Variants in ADGRV1 observed in about 807,000 individuals in gnomAD.
ADGRV1 encodes G-protein coupled receptor 98.
ADGRV1 carries 359 observed loss-of-function variants against 596.2 expected under a neutral mutation model. That is an observed-to-expected ratio of 0.60 (90% CI 0.55 to 0.66). The LOEUF is 0.66. Among genes scored for constraint, ADGRV1 ranks in the 30% least tolerant of loss-of-function variants. ADGRV1 has a pLI of 0.00. For missense variants in ADGRV1, 7,274 were observed against 7,575.6 expected, an observed-to-expected ratio of 0.96 and a Z score of 1.48; for synonymous variants, 2,681 against 2,679.2, an observed-to-expected ratio of 1.00 and a Z score of -0.02.
chr5:91,022,847 C>G (rs1783752755), intron 85 of ADGRV1, among the ~76,000 whole-genome samples: 1 of 151,996 alleles, frequency 6.6e-6, no homozygotes, highest in African/African-American at 2.4e-5. Flanking sequence ...GAATTTGTTC[C>G]AACAGGTTTA....
intron 52 of ADGRV1, 126 bp downstream of exon 52, chr5:90,745,921 CCCCTGCCTCCCTTTT>C (rs1264660587): frequency 1.6e-6 from 1 of 609,034 alleles, no homozygotes; most frequent in African/African-American, 1.8e-5. Flanking sequence ...CCTTCCCTTT[CCCCTGCCTCCCTTTT>C]ATGTGCATTC....
rs575109890 is a variant in ADGRV1 at position 90,709,210 on chromosome 5, T to C, written c.8824+301T>C. ...TTTTCCTTTCATTTTCTTTTAAAAT[T>C]AGCTGTTTTCAGTAGATCTCCAAAC... is the stretch of plus-strand genomic sequence containing the variant. On this transcript the variant is annotated intron_variant, in intron 39 of 89. Coordinates refer to ENST00000405460, the MANE Select transcript of ADGRV1 (RefSeq NM_032119.4). 4.6e-5 allele frequency among the ~76,000 whole-genome samples: 7 copies of C among 152,304 alleles called. No individual in the cohort carries two copies. In the East Asian group the frequency reaches 1.3e-3, roughly 29 times the overall value.
In ADGRV1 at chr5:90,946,928, C is replaced by G. The variant is rs143001424; in HGVS notation, c.17857-18487C>G. Among the ~76,000 whole-genome samples, 788 of 152,158 alleles carry G rather than the reference C, an allele frequency of 5.2e-3. 4 individuals carry two copies. Among genetic ancestry groups the G allele is most frequent in the African/African-American group, 0.018 (745 of 41,480 alleles). On this transcript the variant is annotated intron_variant, in intron 83 of 89. Transcript: ENST00000405460. ...TGAATAGTGCTGCAGTGAACATATG[C>G]GTGCATGTATCTTTATAATAGAATG... is the stretch of plus-strand genomic sequence containing the variant.
chr5:91,002,563 G>C (rs551191351), intron 85 of ADGRV1, among the ~76,000 whole-genome samples: 1 of 151,976 alleles, frequency 6.6e-6, no homozygotes, highest in East Asian at 1.9e-4. Flanking sequence ...TGTCTTCTTG[G>C]ATCCTATTTA....
Position 90,690,044 on chromosome 5 carries a change from T to C in ADGRV1, c.6674T>C (p.Ile2225Thr). 2 of 1,584,314 alleles carry C rather than the reference T, an allele frequency of 1.3e-6. No homozygotes were observed. The highest frequency in any genetic ancestry group is 1.3e-5 in the African/African-American group (1 of 74,638). Residue 2225 changes from isoleucine (I) to threonine (T), a missense_variant, in exon 30 of 90, where the codon ATT (isoleucine) becomes ACT (threonine). Ile to Thr is a moderately conservative substitution (Grantham distance 89). Around this residue, in one of 5 missense-constraint regions of ADGRV1, gnomAD observed 3,643 missense variants for 3,809.2 expected, o/e 0.96. Coordinates refer to ENST00000405460, the MANE Select transcript of ADGRV1 (RefSeq NM_032119.4). ...LGALTEAVII[I>T]EASDDPYGLF... ...GCTTTAACAGAGGCAGTCATTATTA[T>C]TGAGGCCTCTGATGACCCCTATGGA...
chr5:90,757,476 A>G (rs1755960235), intron 57 of ADGRV1, among the ~76,000 whole-genome samples: 1 of 151,888 alleles, frequency 6.6e-6, no homozygotes, highest in African/African-American at 2.4e-5. Context: ...GATGAACTAG[A>G]CTCTTCCTGT....
At chr5:91,118,683 A>G (rs1009558235) in intron 87 of ADGRV1, among the ~76,000 whole-genome samples, 1 of 152,060 alleles carries the variant, frequency 6.6e-6, no homozygotes, top group Non-Finnish European at 1.5e-5. Context: ...AAAATCTCCC[A>G]TGCCTCTCAT....
chr5:90,602,666 A>G (rs1439099476), intron 1 of ADGRV1, among the ~76,000 whole-genome samples: 4 of 152,244 alleles, frequency 2.6e-5, no homozygotes, highest in African/African-American at 9.6e-5. Context: ...CCAAGGAAAC[A>G]TGACAACCCA....
chr5:91,084,005 C>G (rs1419219497), intron 86 of ADGRV1, among the ~76,000 whole-genome samples: 1 of 152,134 alleles, frequency 6.6e-6, no homozygotes, highest in Non-Finnish European at 1.5e-5. Flanking sequence ...CATCATTTTC[C>G]TATTCATGTT....
intron 83 of ADGRV1, among the ~76,000 whole-genome samples, chr5:90,942,370 G>A (rs1776232897): frequency 6.6e-6 from 1 of 152,216 alleles, no homozygotes; most frequent in African/African-American, 2.4e-5. Flanking sequence ...TATAACTTGA[G>A]TTATTCCCTG....
At chr5:90,736,722 T>C (rs1052943342) in intron 50 of ADGRV1, among the ~76,000 whole-genome samples, 19 of 151,992 alleles carry the variant, frequency 1.3e-4, no homozygotes, top group African/African-American at 4.6e-4. Context: ...AGACGTTTAT[T>C]CATTTTTTCA....
rs1554210690 is a variant in ADGRV1, at chr5:91,060,398, ATT to A, written c.18153-12039_18153-12038del. On this transcript the variant is annotated intron_variant, in intron 85 of 89. Transcript: ENST00000405460. ...TGTGTGTATATATATATATATATAT[ATT>A]TTTTTTTTTAATAGAGACGAGGTTT... 2.1e-4 allele frequency among the ~76,000 whole-genome samples: 13 copies of A among 60,530 alleles called. No individual in the cohort carries two copies. The East Asian group carries it at 3.6e-3, about 17-fold the overall frequency. 39.7% of individuals were successfully genotyped at this position (60,530 alleles called of 152,430 possible). A position where few individuals can be genotyped will look rare whatever the true frequency, so the allele number is the denominator to read the frequency against.
At chr5:91,053,107 C>T (rs1444719352) in intron 85 of ADGRV1, among the ~76,000 whole-genome samples, 1 of 152,134 alleles carries the variant, frequency 6.6e-6, no homozygotes, top group African/African-American at 2.4e-5. Context: ...AAGGGACCTC[C>T]AAAGGGAACA....
At chr5:90,744,513 A>C (rs1754383104) in intron 50 of ADGRV1, among the ~76,000 whole-genome samples, 1 of 152,182 alleles carries the variant, frequency 6.6e-6, no homozygotes, top group African/African-American at 2.4e-5. Context: ...TATTTTGATC[A>C]ACCATATATA....
At position 91,153,383 on chromosome 5, in the gene ADGRV1, T is replaced by C; in HGVS notation, c.18787T>C (p.Phe6263Leu). 1 of 1,603,844 alleles carries C rather than the reference T, an allele frequency of 6.2e-7. No homozygotes were observed. The highest frequency in any genetic ancestry group is 8.5e-7 in the Non-Finnish European group (1 of 1,174,638). ...GTCCCAGGAGTTTGATGATTTAATATTTGCATTAAAAACTGGTATGTATGA... is the reference window on the plus strand; with the variant it reads ...GTCCCAGGAGTTTGATGATTTAATACTTGCATTAAAAACTGGTATGTATGA... Reference protein sequence around the residue: ...EESQEFDDLIFALKTGAGLSV... With the variant: ...EESQEFDDLILALKTGAGLSV... Residue 6263 changes from phenylalanine (F) to leucine (L), a missense_variant, in exon 89 of 90, where the codon TTT becomes CTT. Phe to Leu is a conservative substitution (Grantham distance 22). This residue lies in a region of ADGRV1 where 1,874 missense variants were observed against 1,970.2 expected (regional missense o/e 0.95). Coordinates refer to ENST00000405460, the MANE Select transcript of ADGRV1 (RefSeq NM_032119.4).
intron 29 of ADGRV1, among the ~76,000 whole-genome samples, chr5:90,686,959 C>G (rs371813770): frequency 6.6e-6 from 1 of 151,938 alleles, no homozygotes; most frequent in Non-Finnish European, 1.5e-5. Context: ...ATTTCTCTGA[C>G]GGCCAGTGAT....
chr5:90,657,981 C>T lies in ADGRV1; in HGVS notation c.4455C>T (p.Ser1485=). 2.5e-6 allele frequency: 4 copies of T among 1,613,916 alleles called. No individual in the cohort carries two copies. Among genetic ancestry groups the T allele is most frequent in the Non-Finnish European group, 3.4e-6 (4 of 1,179,858 alleles). The change falls in exon 21 of 90, where the codon TCC becomes TCT. Residue 1485 remains serine, a synonymous_variant. Transcript: ENST00000405460. ...CAGGTCTGATGCAGGATGTGAGGTC[C>T]TATGAGCGGAAACTGACGCTTGAAG... The part of the protein sequence containing the change: ...RFTGLMQDVR[S]YERKLTLEEI...
At chr5:90,615,792 A>T (rs751470724) in intron 2 of ADGRV1, among the ~76,000 whole-genome samples, 3 of 151,948 alleles carry the variant, frequency 2.0e-5, no homozygotes, top group Admixed American at 6.5e-5. Context: ...AGTACACATT[A>T]TATGAGATAA....
At chr5:90,756,371 C>T in intron 55 of ADGRV1, 83 bp from the exon 56 acceptor site, 4 of 883,512 alleles carry the variant, frequency 4.5e-6, no homozygotes, top group Non-Finnish European at 6.8e-6. Context: ...CAATTATTTC[C>T]TTACTGAAAA....
Sources: allele counts gnomAD v4.1 joint callset (sites outside exome capture counted in the v4.1 genomes callset), GRCh38; gene constraint gnomAD v4.1.1; regional missense constraint gnomAD v4.1.1; transcripts MANE v1.5; gene names NCBI Gene and HGNC (gene_info 2026-07-23, HGNC 2026-07-21).